DCC: variants seen among roughly 807,000 people sequenced by gnomAD.
DCC encodes the protein netrin receptor DCC.
In DCC, 58 loss-of-function variants were observed where a neutral mutation model predicts 172.5. That is an observed-to-expected ratio of 0.34 (90% confidence interval 0.27 to 0.42). DCC has a LOEUF of 0.42. Among genes scored for constraint, DCC ranks in the 10% least tolerant of loss-of-function variants. The pLI, the probability that DCC is intolerant of heterozygous loss-of-function variation, is 1.00. For missense variants in DCC, 1,740 were observed against 1,791.0 expected (o/e 0.97, Z 0.51); for synonymous variants, 709 against 644.5 (o/e 1.10, Z -1.52).
At chr18:53,131,953 A>ATTTTTTTTTTTTTTTTTT (rs71175556) in intron 7 of DCC, among the ~76,000 whole-genome samples, 1 of 58,278 alleles carries the variant, frequency 1.7e-5, no homozygotes, top group Non-Finnish European at 3.1e-5. Flanking sequence ...TCTCTAAGTG[A>ATTTTTTTTTTTTTTTTTT]TTTTTTTTTT....
intron 5 of DCC, among the ~76,000 whole-genome samples, chr18:53,058,129 G>C (rs2042438316): frequency 6.6e-6 from 1 of 152,064 alleles, no homozygotes; most frequent in Non-Finnish European, 1.5e-5. Context: ...GGCCATTGAT[G>C]AATCATATTC....
chr18:52,937,872 G>A (rs1158589209), intron 5 of DCC, among the ~76,000 whole-genome samples: 2 of 152,010 alleles, frequency 1.3e-5, no homozygotes, highest in African/African-American at 2.4e-5. Flanking sequence ...GTGTACACTT[G>A]AGGGTGTTAT....
intron 19 of DCC, among the ~76,000 whole-genome samples, chr18:53,408,008 G>A (rs1276152788): frequency 2.0e-5 from 3 of 152,072 alleles, no homozygotes; most frequent in South Asian, 2.1e-4. Context: ...CTTTATGTTG[G>A]TAAGGCTTTT....
intron 12 of DCC, among the ~76,000 whole-genome samples, chr18:53,226,934 G>GTGTATATATA (rs34949557): frequency 2.1e-3 from 146 of 68,000 alleles, no homozygotes; most frequent in African/African-American, 7.5e-3. Context: ...GTGTGTGTGT[G>GTGTATATATA]TATATATATA....
At chr18:53,348,333 C>T (rs576364894) in intron 15 of DCC, among the ~76,000 whole-genome samples, 1 of 152,206 alleles carries the variant, frequency 6.6e-6, no homozygotes, top group African/African-American at 2.4e-5. Flanking sequence ...TCCTTTGACT[C>T]CATGTCTCAT....
At chr18:53,513,361 C>A (rs2046284124) in intron 27 of DCC, among the ~76,000 whole-genome samples, 1 of 152,130 alleles carries the variant, frequency 6.6e-6, no homozygotes, top group Admixed American at 6.5e-5. Context: ...CAAAATTATG[C>A]CAAAATGTAA....
chr18:52,888,949 A>G (rs1308379724), intron 2 of DCC, among the ~76,000 whole-genome samples: 1 of 152,098 alleles, frequency 6.6e-6, no homozygotes, highest in Non-Finnish European at 1.5e-5. Context: ...AAGCACATGT[A>G]TGAATATTAA....
intron 1 of DCC, among the ~76,000 whole-genome samples, chr18:52,588,612 G>A (rs2033729382): frequency 6.6e-6 from 1 of 152,164 alleles, no homozygotes; most frequent in South Asian, 2.1e-4. Flanking sequence ...TATGAGAAGG[G>A]AACCAAACTT....
chr18:53,142,587 C>A (rs556048465), intron 7 of DCC, among the ~76,000 whole-genome samples: 3 of 152,220 alleles, frequency 2.0e-5, no homozygotes, highest in African/African-American at 7.2e-5. Flanking sequence ...AGTCCCTACC[C>A]CTCTTTAAAA....
chr18:52,796,071 T>TTTG (rs2037870945), intron 2 of DCC, among the ~76,000 whole-genome samples: 1 of 146,404 alleles, frequency 6.8e-6, no homozygotes. Flanking sequence ...CTTTTTTTTT[T>TTTG]CTGCTTTTGG....
intron 1 of DCC, among the ~76,000 whole-genome samples, chr18:52,570,497 T>A (rs901264104): frequency 1.3e-5 from 2 of 152,222 alleles, no homozygotes; most frequent in East Asian, 3.8e-4. Context: ...AGATGTACTA[T>A]AAATATATTG....
intron 1 of DCC, among the ~76,000 whole-genome samples, chr18:52,495,248 G>A (rs1226432636): frequency 6.6e-6 from 1 of 152,078 alleles, no homozygotes; most frequent in African/African-American, 2.4e-5. Context: ...TGAGAAAACT[G>A]GCAGTATTTG....
At chr18:52,857,112 A>G (rs372210016) in intron 2 of DCC, among the ~76,000 whole-genome samples, 2 of 93,092 alleles carry the variant, frequency 2.1e-5, no homozygotes, top group Admixed American at 1.4e-4. Context: ...TCCATTTTGG[A>G]AAAAAAATGG....
rs781071997 is a variant in DCC at position 52,752,340 on chromosome 18, A to C, written c.378A>C (p.Ser126=). The change falls in exon 2 of 29, where the codon TCA becomes TCC. Residue 126 remains serine, a synonymous_variant. Coordinates refer to ENST00000442544, the MANE Select transcript of DCC (RefSeq NM_005215.4). ...AGGCATCTTTAGGAGATTCTGGCTC[A>C]ATTATTAGTCGGACAGCAAAAGTTG... ...QCEASLGDSG[S]IISRTAKVAV... The C allele has an allele frequency of 6.2e-7, 1 of 1,614,144 alleles. No individual in the cohort carries two copies. The highest frequency in any genetic ancestry group is 1.1e-5 in the South Asian group (1 of 91,082).
intron 1 of DCC, among the ~76,000 whole-genome samples, chr18:52,517,657 A>G (rs1200055944): frequency 6.6e-6 from 1 of 152,222 alleles, no homozygotes; most frequent in African/African-American, 2.4e-5. Context: ...AAACAGCTCA[A>G]TGAAATTACT....
intron 2 of DCC, among the ~76,000 whole-genome samples, chr18:52,815,472 C>G: frequency 6.6e-6 from 1 of 151,968 alleles, no homozygotes; most frequent in Non-Finnish European, 1.5e-5. Flanking sequence ...CCCCTGCCCC[C>G]CTGTCCCCAC....
At chr18:53,461,883 T>G (rs746033943) in intron 24 of DCC, among the ~76,000 whole-genome samples, 2 of 152,164 alleles carry the variant, frequency 1.3e-5, no homozygotes, top group Non-Finnish European at 2.9e-5. Context: ...CTCTAGGGAC[T>G]GGGGGTCAGA....
intron 2 of DCC, among the ~76,000 whole-genome samples, chr18:52,772,534 A>G (rs897011891): frequency 1.3e-5 from 2 of 152,188 alleles, no homozygotes; most frequent in Admixed American, 6.5e-5. Context: ...AGAAACTACC[A>G]TGGGAGGTCT....
intron 5 of DCC, among the ~76,000 whole-genome samples, chr18:52,939,172 C>T (rs1329335757): frequency 6.6e-6 from 1 of 152,128 alleles, no homozygotes; most frequent in Non-Finnish European, 1.5e-5. Context: ...CTGCTTTCCC[C>T]TTATATGCAC....
Sources: allele counts gnomAD v4.1 joint callset (sites outside exome capture counted in the v4.1 genomes callset), GRCh38; gene constraint gnomAD v4.1.1; transcripts MANE v1.5; gene names NCBI Gene and HGNC (gene_info 2026-07-23, HGNC 2026-07-21).